The following SMARCA2 variants were observed in gnomAD, a reference collection of about 807,000 sequenced individuals.
The protein encoded by SMARCA2 is SWI/SNF-related matrix-associated actin-dependent regulator of chromatin subfamily A member 2.
SMARCA2 carries 61 observed loss-of-function variants against 199.8 expected under a neutral mutation model. That is an observed-to-expected ratio of 0.31 (90% CI 0.25 to 0.38). The LOEUF is 0.38. Among genes scored for constraint, SMARCA2 ranks in the 10% least tolerant of loss-of-function variants. The pLI, the probability that SMARCA2 is intolerant of heterozygous loss-of-function variation, is 1.00. For synonymous variants in SMARCA2, 935 were observed against 732.0 expected (o/e 1.28, Z -4.48); for missense variants, 1,344 against 2,012.2 (o/e 0.67, Z 6.35).
chr9:2,182,478 C>CTTTTTTTTTTTT (rs145095906), intron 31 of SMARCA2, among the ~76,000 whole-genome samples: 3 of 96,730 alleles, frequency 3.1e-5, no homozygotes, highest in African/African-American at 3.7e-5. Flanking sequence ...AGCTTATAGT[C>CTTTTTTTTTTTT]TTTTTTTTTT....
At chr9:2,137,482 A>G (rs140917677) in intron 27 of SMARCA2, among the ~76,000 whole-genome samples, 54 of 151,916 alleles carry the variant, frequency 3.6e-4, no homozygotes, top group Non-Finnish European at 6.0e-4. Context: ...AGTCCTTGGC[A>G]CTTCTAGAAG....
intron 27 of SMARCA2, chr9:2,160,171 C>A: frequency 2.3e-6 from 1 of 442,822 alleles, no homozygotes; most frequent in Non-Finnish European, 4.0e-6. Flanking sequence ...AGTGGGTGTC[C>A]TGCTTTTAGG....
chr9:2,073,110 G>C (rs187172059), intron 10 of SMARCA2, 102 bp from the exon 11 acceptor site: 1 of 1,371,436 alleles, frequency 7.3e-7, no homozygotes, highest in East Asian at 2.3e-5. Context: ...CACAGAATAA[G>C]GTTTCACATG....
chr9:2,128,688 G>A (rs1465970673), intron 27 of SMARCA2, among the ~76,000 whole-genome samples: 2 of 152,218 alleles, frequency 1.3e-5, no homozygotes, highest in Admixed American at 1.3e-4. Context: ...CATAGTGAGG[G>A]ATCCTCCCAG....
At chr9:2,133,278 A>T (rs373041552) in intron 27 of SMARCA2, among the ~76,000 whole-genome samples, 9 of 152,156 alleles carry the variant, frequency 5.9e-5, no homozygotes, top group African/African-American at 2.2e-4. Context: ...TATCTGAATC[A>T]AGATTTGGTT....
chr9:2,126,759 C>A (rs1043845720), intron 27 of SMARCA2, among the ~76,000 whole-genome samples: 4 of 152,248 alleles, frequency 2.6e-5, no homozygotes, highest in Admixed American at 2.6e-4. Context: ...GGAACAGCTT[C>A]CCATCCCTTG....
intron 14 of SMARCA2, among the ~76,000 whole-genome samples, chr9:2,079,149 CCCTCTTGTTAATT>C (rs965653295): frequency 1.4e-4 from 22 of 152,032 alleles, no homozygotes; most frequent in Admixed American, 3.3e-4. Context: ...TGGCAGTGAC[CCCTCTTGTTAATT>C]CACATGCCCG....
chr9:2,054,672 C>A lies in SMARCA2; in HGVS notation c.1122C>A (p.Thr374=), dbSNP rs138404604. 20 of 1,613,962 alleles carry A rather than the reference C, an allele frequency of 1.2e-5. No homozygotes were observed. The highest frequency in any genetic ancestry group is 1.7e-5 in the Non-Finnish European group (20 of 1,180,002). Residue 374 remains threonine (T), a synonymous_variant, in exon 6 of 34, where the codon ACC becomes ACA. Transcript: ENST00000349721. ...GCTCTTTGCCACCAGATTTAAGAAC[C>A]AAAGCAACCGTGGAACTAAAAGCAC... ...LPGSLPPDLR[T]KATVELKALR...
At chr9:2,156,676 C>T (rs914151107) in intron 27 of SMARCA2, among the ~76,000 whole-genome samples, 5 of 152,100 alleles carry the variant, frequency 3.3e-5, no homozygotes, top group African/African-American at 1.2e-4. Context: ...GGTGATTGAC[C>T]TGCTTTGGCC....
chr9:2,117,455 C>T (rs961872420), intron 25 of SMARCA2, among the ~76,000 whole-genome samples: 1 of 152,098 alleles, frequency 6.6e-6, no homozygotes, highest in Non-Finnish European at 1.5e-5. Flanking sequence ...ATATTTGATA[C>T]AGATATGGAG....
intron 31 of SMARCA2, among the ~76,000 whole-genome samples, chr9:2,185,390 T>G (rs1452637175): frequency 6.6e-6 from 1 of 152,210 alleles, no homozygotes; most frequent in African/African-American, 2.4e-5. Flanking sequence ...ATGTATAGAC[T>G]ATAGTTGCTT....
At chr9:2,076,117 T>A in intron 12 of SMARCA2, 112 bp from the exon 13 acceptor site, 1 of 659,952 alleles carries the variant, frequency 1.5e-6, no homozygotes, top group East Asian at 2.7e-5. Context: ...AATTTTATGA[T>A]CTTACTTCAT....
chr9:2,086,539 G>A lies in SMARCA2; in HGVS notation c.2527-290G>A, dbSNP rs1248680445. ...GGATGGGGAGAGGCAGGATCCACACGTGGAAACAACCATGTCATTCTGGAC... is the reference window on the plus strand; with the variant it reads ...GGATGGGGAGAGGCAGGATCCACACATGGAAACAACCATGTCATTCTGGAC... On this transcript the variant is annotated intron_variant, in intron 17 of 33. Transcript: ENST00000349721. This position sits in a 1 kb window ranked among gnomAD's most constrained non-coding sequence, Gnocchi z 4.3. 2.0e-5 allele frequency among the ~76,000 whole-genome samples: 3 copies of A among 152,176 alleles called. No homozygotes were observed. Among genetic ancestry groups the A allele is most frequent in the Admixed American group, 6.5e-5 (1 of 15,278 alleles).
intron 27 of SMARCA2, among the ~76,000 whole-genome samples, chr9:2,155,421 T>C (rs895262965): frequency 3.3e-5 from 5 of 152,100 alleles, no homozygotes; most frequent in African/African-American, 4.8e-5. Context: ...TAGCTGGGAC[T>C]ACAGGCACGT....
intron 9 of SMARCA2, among the ~76,000 whole-genome samples, chr9:2,062,168 TAAG>T (rs1365419977): frequency 6.6e-6 from 1 of 152,220 alleles, no homozygotes; most frequent in Non-Finnish European, 1.5e-5. Context: ...ACTGTAGACT[TAAG>T]AATGGTAAAG....
At chr9:2,071,861 C>A (rs1280511752) in intron 10 of SMARCA2, among the ~76,000 whole-genome samples, 1 of 152,214 alleles carries the variant, frequency 6.6e-6, no homozygotes, top group South Asian at 2.1e-4. Flanking sequence ...ATATAGATGA[C>A]CTTTTACATT....
At chr9:2,098,009 G>A (rs1471024941) in intron 21 of SMARCA2, among the ~76,000 whole-genome samples, 1 of 152,104 alleles carries the variant, frequency 6.6e-6, no homozygotes, top group East Asian at 1.9e-4. Flanking sequence ...TGATGCTCAG[G>A]TCTCTAGAAA....
At chr9:2,178,195 G>T (rs1563831839) in intron 29 of SMARCA2, among the ~76,000 whole-genome samples, 1 of 152,142 alleles carries the variant, frequency 6.6e-6, no homozygotes, top group South Asian at 2.1e-4. Flanking sequence ...CTTCCATGAA[G>T]AGGAGAGGTT....
At chr9:2,057,657 T>A (rs1160337997) in intron 7 of SMARCA2, among the ~76,000 whole-genome samples, 1 of 152,206 alleles carries the variant, frequency 6.6e-6, no homozygotes, top group Non-Finnish European at 1.5e-5. Flanking sequence ...AAAACATTCC[T>A]TTCTGGGGGT....
Sources: gnomAD v4.1 joint callset for allele counts (sites outside exome capture counted in the v4.1 genomes callset) on GRCh38, gnomAD v4.1.1 for gene constraint, Gnocchi (gnomAD v3.1) non-coding constraint, MANE v1.5 for transcripts, NCBI Gene and HGNC (gene_info 2026-07-23, HGNC 2026-07-21) for gene names.